DLG2: variants seen among roughly 807,000 people sequenced by gnomAD.
DLG2 encodes the protein disks large homolog 2.
DLG2 carries 45 observed loss-of-function variants against 132.5 expected under a neutral mutation model. The observed-to-expected ratio is 0.34, with a 90% CI of 0.27 to 0.44. The LOEUF (loss-of-function observed/expected upper bound fraction) is 0.44, where lower values mean the gene tolerates loss of function less well. Among genes scored for constraint, DLG2 ranks in the 20% least tolerant of loss-of-function variants. The pLI is 1.00. For synonymous variants in DLG2, 424 were observed against 419.6 expected (o/e 1.01, Z -0.13); for missense variants, 1,045 against 1,196.9 (o/e 0.87, Z 1.87).
chr11:84,847,334 T>C (rs995332652), intron 6 of DLG2, among the ~76,000 whole-genome samples: 12 of 152,162 alleles, frequency 7.9e-5, no homozygotes, highest in Non-Finnish European at 1.6e-4. Context: ...TGACATTATC[T>C]CTTGCATTAA....
intron 6 of DLG2, among the ~76,000 whole-genome samples, chr11:84,561,639 T>G (rs1268929339): frequency 6.6e-6 from 1 of 152,152 alleles, no homozygotes; most frequent in Non-Finnish European, 1.5e-5. Context: ...AATTCCTCAA[T>G]AAATATTTAT....
intron 7 of DLG2, among the ~76,000 whole-genome samples, chr11:84,461,232 A>T (rs1249232933): frequency 6.6e-6 from 1 of 150,930 alleles, no homozygotes; most frequent in African/African-American, 2.4e-5. Context: ...TTAGCATTGT[A>T]CAAACTTTTC....
At chr11:84,165,950 C>T (rs2095652474) in intron 8 of DLG2, among the ~76,000 whole-genome samples, 1 of 152,072 alleles carries the variant, frequency 6.6e-6, no homozygotes, top group Admixed American at 6.6e-5. Context: ...CCCATGTCTA[C>T]AACAAGCTTT....
chr11:83,870,029 C>T lies in DLG2; in HGVS notation c.1565+4391G>A, dbSNP rs191238052. On this transcript the variant is annotated intron_variant, in intron 16 of 27. Transcript: ENST00000376104. ...TGATTTTATTTTCTATTTTTTTAAC[C>T]TCTGCCTTGCTGCAGACACATCCCT... Among the ~76,000 whole-genome samples, 190 of 152,208 alleles carry T rather than the reference C, an allele frequency of 1.2e-3. 3 individuals are homozygous for T. The highest frequency in any genetic ancestry group is 0.011 in the Admixed American group (172 of 15,282).
At chr11:83,638,911 A>C (rs1321664658) in intron 18 of DLG2, among the ~76,000 whole-genome samples, 1 of 152,206 alleles carries the variant, frequency 6.6e-6, no homozygotes, top group African/African-American at 2.4e-5. Context: ...AGGTGTGAAC[A>C]CCACAAACTA....
At chr11:85,541,558 TAG>T (rs1242068873) in intron 3 of DLG2, among the ~76,000 whole-genome samples, 1 of 151,740 alleles carries the variant, frequency 6.6e-6, no homozygotes, top group African/African-American at 2.4e-5. Context: ...ATAAATGACT[TAG>T]AAAACATCTC....
Position 83,489,422 on chromosome 11 carries a change from G to C in DLG2, c.2194-5194C>G, listed in dbSNP as rs2093713582. Among the ~76,000 whole-genome samples, 4 of 151,880 alleles carry C rather than the reference G, an allele frequency of 2.6e-5. No individual in the cohort carries two copies. In the South Asian group the frequency reaches 8.3e-4, roughly 31 times the overall value. On this transcript the variant is annotated intron_variant, in intron 21 of 27. Coordinates refer to ENST00000376104, the MANE Select transcript of DLG2 (RefSeq NM_001142699.3). Reference sequence around the variant, plus strand: ...ATAGATCAGAAGAAACTTTGAGAAGGATCAACCAGTTACAATGTATAGACT... The same window carrying C: ...ATAGATCAGAAGAAACTTTGAGAAGCATCAACCAGTTACAATGTATAGACT...
At chr11:83,649,387 G>C (rs1481588416) in intron 18 of DLG2, among the ~76,000 whole-genome samples, 1 of 152,066 alleles carries the variant, frequency 6.6e-6, no homozygotes, top group South Asian at 2.1e-4. Flanking sequence ...CCCTGGTCAG[G>C]AAAGTGATCT....
At chr11:85,087,533 G>A (rs956737596) in intron 6 of DLG2, among the ~76,000 whole-genome samples, 5 of 152,170 alleles carry the variant, frequency 3.3e-5, no homozygotes, top group Non-Finnish European at 5.9e-5. Flanking sequence ...TGAACTAGAG[G>A]AGACATGCAA....
At position 85,091,158 on chromosome 11, in the gene DLG2, G is replaced by C. The variant is rs376882884; in HGVS notation, c.357+20503C>G. ...ACTGGGGATCAAATTTCAACATGAG[G>C]TTTGCGGGAGATAAACATTCAAACT... On this transcript the variant is annotated intron_variant, in intron 6 of 27. Coordinates refer to ENST00000376104, the MANE Select transcript of DLG2 (RefSeq NM_001142699.3). Among the ~76,000 whole-genome samples the C allele has an allele frequency of 9.7e-4, 147 of 152,320 alleles. 1 individual carries two copies. In the South Asian group the frequency reaches 0.029, roughly 30 times the overall value.
At chr11:83,480,316 C>G in intron 22 of DLG2, 1 of 1,371,202 alleles carries the variant, frequency 7.3e-7, no homozygotes. Context: ...AAATGACCAC[C>G]ACAGGCAATG....
intron 6 of DLG2, among the ~76,000 whole-genome samples, chr11:84,547,351 A>C (rs1343542743): frequency 1.3e-5 from 2 of 152,184 alleles, no homozygotes; most frequent in Non-Finnish European, 2.9e-5. Context: ...ACAGTTTATC[A>C]AATCTCACAG....
chr11:84,527,528 C>A (rs1420146129), intron 7 of DLG2, among the ~76,000 whole-genome samples: 1 of 152,162 alleles, frequency 6.6e-6, no homozygotes, highest in African/African-American at 2.4e-5. Context: ...ACCTCACATA[C>A]TCCTAATTTC....
intron 22 of DLG2, among the ~76,000 whole-genome samples, chr11:83,481,001 T>A (rs2093057270): frequency 6.6e-6 from 1 of 152,122 alleles, no homozygotes; most frequent in Admixed American, 6.6e-5. Flanking sequence ...GTTGAAAATC[T>A]TTGAGGAAGA....
chr11:83,915,655 G>A (rs1249762798), intron 15 of DLG2, among the ~76,000 whole-genome samples: 1 of 151,770 alleles, frequency 6.6e-6, no homozygotes, highest in East Asian at 1.9e-4. Flanking sequence ...GACATTATAA[G>A]GACATAGTAT....
intron 6 of DLG2, among the ~76,000 whole-genome samples, chr11:84,675,589 A>G (rs1595515650): frequency 6.6e-6 from 1 of 152,048 alleles, no homozygotes; most frequent in East Asian, 1.9e-4. Context: ...CAGTGAATGC[A>G]TTTTCTGGTT....
intron 6 of DLG2, among the ~76,000 whole-genome samples, chr11:85,052,065 T>C (rs551559851): frequency 6.6e-6 from 1 of 152,264 alleles, no homozygotes; most frequent in South Asian, 2.1e-4. Flanking sequence ...CTAGAAAATT[T>C]CTCTTTTGGA....
chr11:85,104,975 C>G (rs1313248635), intron 6 of DLG2, among the ~76,000 whole-genome samples: 1 of 146,592 alleles, frequency 6.8e-6, no homozygotes, highest in Admixed American at 6.9e-5. Context: ...AGAGGAAATT[C>G]TAAGGAAAAT....
intron 7 of DLG2, among the ~76,000 whole-genome samples, chr11:84,267,905 G>A (rs1259650304): frequency 1.3e-5 from 2 of 152,178 alleles, no homozygotes; most frequent in Non-Finnish European, 2.9e-5. Flanking sequence ...TCTTTCTTGA[G>A]GTTCTCTTCT....
Sources: gnomAD v4.1 joint callset for allele counts (sites outside exome capture counted in the v4.1 genomes callset) on GRCh38, gnomAD v4.1.1 for gene constraint, MANE v1.5 for transcripts, NCBI Gene and HGNC (gene_info 2026-07-23, HGNC 2026-07-21) for gene names.